Variants in PHTF2 observed in about 807,000 individuals in gnomAD.
The protein encoded by PHTF2 is putative homeodomain transcription factor 2.
A neutral mutation model predicts 101.2 loss-of-function variants in PHTF2; 60 were observed. The observed-to-expected ratio is 0.59, with a 90% confidence interval of 0.48 to 0.73. PHTF2 has a LOEUF of 0.73. Among genes scored for constraint, PHTF2 ranks in the 30% least tolerant of loss-of-function variants. The pLI, the probability that PHTF2 is intolerant of heterozygous loss-of-function variation, is 0.00. For synonymous variants in PHTF2, 311 were observed against 307.3 expected, an observed-to-expected ratio of 1.01 and a Z score of -0.13; for missense variants, 747 against 908.7, an observed-to-expected ratio of 0.82 and a Z score of 2.29.
chr7:77,937,690 A>AG lies in PHTF2; in HGVS notation c.1339-20_1339-19insG. ...ATTAAATGTGATCTATATATTTACT[A>AG]ATTTTTTTTTTTTTTATAGAGTCAT... On this transcript the variant is annotated intron_variant, in intron 12 of 19. Transcript: ENST00000416283. 9.9e-7 allele frequency: 1 copy of AG among 1,014,008 alleles called. No homozygotes were observed. Among genetic ancestry groups the AG allele is most frequent in the Non-Finnish European group, 1.4e-6 (1 of 733,342 alleles). The allele number at this position is 1,014,008 out of a possible 1,614,324, so 62.8% of individuals were successfully genotyped here. A position where few individuals can be genotyped will look rare whatever the true frequency, so the allele number is the denominator to read the frequency against.
chr7:77,883,397 A>AGATATAATT (rs1448931901), intron 3 of PHTF2, among the ~76,000 whole-genome samples: 4 of 152,146 alleles, frequency 2.6e-5, no homozygotes, highest in African/African-American at 9.6e-5. Flanking sequence ...TGGGGATTAT[A>AGATATAATT]GATATAATTT....
intron 9 of PHTF2, among the ~76,000 whole-genome samples, chr7:77,919,533 A>T (rs971215925): frequency 4.6e-5 from 7 of 152,082 alleles, no homozygotes; most frequent in African/African-American, 1.7e-4. Context: ...TCTTTCATCC[A>T]CTGTAGTCTT....
intron 7 of PHTF2, chr7:77,908,015 CTT>C (rs1802028086): frequency 6.6e-6 from 1 of 151,908 alleles, no homozygotes; most frequent in South Asian, 2.1e-4. Flanking sequence ...TTTTCATAGT[CTT>C]TAGTGTTTGT....
At chr7:77,888,602 C>T (rs1283582585) in intron 3 of PHTF2, among the ~76,000 whole-genome samples, 1 of 152,192 alleles carries the variant, frequency 6.6e-6, no homozygotes, top group Non-Finnish European at 1.5e-5. Flanking sequence ...CAATTGAAGA[C>T]ATACCATCTT....
At chr7:77,939,359 A>G (rs1230155265) in intron 13 of PHTF2, among the ~76,000 whole-genome samples, 1 of 152,070 alleles carries the variant, frequency 6.6e-6, no homozygotes, top group East Asian at 1.9e-4. Flanking sequence ...TAATCTCAAC[A>G]CTTTGGGAGC....
At chr7:77,804,492 A>C (rs1792819183) in intron 1 of PHTF2, among the ~76,000 whole-genome samples, 1 of 152,054 alleles carries the variant, frequency 6.6e-6, no homozygotes, top group South Asian at 2.1e-4. Flanking sequence ...TGCCCGGCTA[A>C]TTTTTGTATT....
intron 3 of PHTF2, among the ~76,000 whole-genome samples, chr7:77,861,414 A>T (rs1193699838): frequency 6.6e-6 from 1 of 151,362 alleles, no homozygotes. Context: ...TTTTCTGGGT[A>T]TTTTTTTTTA....
chr7:77,865,641 G>A (rs1797994484), intron 3 of PHTF2, among the ~76,000 whole-genome samples: 4 of 152,166 alleles, frequency 2.6e-5, no homozygotes, highest in Admixed American at 2.6e-4. Flanking sequence ...ATCCATGAGA[G>A]TAAGAATCAT....
intron 1 of PHTF2, among the ~76,000 whole-genome samples, chr7:77,801,804 A>G (rs191544372): frequency 1.2e-4 from 18 of 152,336 alleles, no homozygotes; most frequent in Non-Finnish European, 1.9e-4. Context: ...TGTGGTCCCA[A>G]TAATTCTTGA....
intron 9 of PHTF2, among the ~76,000 whole-genome samples, chr7:77,916,944 C>A (rs751225458): frequency 1.3e-5 from 2 of 152,108 alleles, no homozygotes; most frequent in Non-Finnish European, 2.9e-5. Flanking sequence ...GAGGCCTGGT[C>A]GTGACCCACT....
chr7:77,845,669 G>A (rs1000887813), intron 2 of PHTF2, among the ~76,000 whole-genome samples: 7 of 152,194 alleles, frequency 4.6e-5, no homozygotes, highest in Non-Finnish European at 7.4e-5. Context: ...GTGTGTATGT[G>A]TGTGTACTTA....
At chr7:77,847,175 G>A (rs747470086) in intron 2 of PHTF2, among the ~76,000 whole-genome samples, 9 of 152,180 alleles carry the variant, frequency 5.9e-5, no homozygotes, top group Non-Finnish European at 1.2e-4. Context: ...AGCATCCTAA[G>A]TGATACACAG....
chr7:77,809,482 C>T (rs1409141475), intron 1 of PHTF2, among the ~76,000 whole-genome samples: 1 of 152,064 alleles, frequency 6.6e-6, no homozygotes, highest in African/African-American at 2.4e-5. Context: ...CCACCTCAGC[C>T]TCCCGAAGTG....
At chr7:77,805,229 T>C (rs1339492887) in intron 1 of PHTF2, among the ~76,000 whole-genome samples, 1 of 152,198 alleles carries the variant, frequency 6.6e-6, no homozygotes, top group Non-Finnish European at 1.5e-5. Context: ...ATTTTCTTAT[T>C]AATCTTTTTA....
At chr7:77,924,376 C>T (rs1284275889) in intron 11 of PHTF2, among the ~76,000 whole-genome samples, 1 of 151,770 alleles carries the variant, frequency 6.6e-6, no homozygotes, top group Admixed American at 6.6e-5. Flanking sequence ...ATAACCAAAA[C>T]CAAAAAAAAC....
intron 3 of PHTF2, among the ~76,000 whole-genome samples, chr7:77,868,918 C>G (rs1276912549): frequency 6.6e-6 from 1 of 152,146 alleles, no homozygotes; most frequent in African/African-American, 2.4e-5. Context: ...TATTCCCTTT[C>G]ATTTTGGCTT....
chr7:77,945,850 A>C (rs1806010006), intron 16 of PHTF2, among the ~76,000 whole-genome samples: 1 of 152,242 alleles, frequency 6.6e-6, no homozygotes, highest in African/African-American at 2.4e-5. Context: ...TGCCACCAAC[A>C]AAAATCCTCC....
chr7:77,930,625 C>A (rs1453343841), intron 12 of PHTF2, among the ~76,000 whole-genome samples: 1 of 152,164 alleles, frequency 6.6e-6, no homozygotes, highest in East Asian at 1.9e-4. Context: ...CTATAACAAT[C>A]CCAGAGGCTG....
intron 3 of PHTF2, among the ~76,000 whole-genome samples, chr7:77,859,969 T>A (rs1014485321): frequency 6.6e-6 from 1 of 152,218 alleles, no homozygotes; most frequent in Non-Finnish European, 1.5e-5. Context: ...ATATTTGGGT[T>A]GTTTAACCTA....
Sources: gnomAD v4.1 joint callset for allele counts (sites outside exome capture counted in the v4.1 genomes callset) on GRCh38, gnomAD v4.1.1 for gene constraint, MANE v1.5 for transcripts, NCBI Gene and HGNC (gene_info 2026-07-23, HGNC 2026-07-21) for gene names.